PARD3: variants seen among roughly 807,000 people sequenced by gnomAD.
The protein encoded by PARD3 is par-3 family cell polarity regulator, also known as partitioning defective 3 homolog.
Under a neutral mutation model 155.4 loss-of-function variants are expected in PARD3, and 75 were observed. That is an observed-to-expected ratio of 0.48 (90% confidence interval 0.40 to 0.58). The LOEUF is 0.58. Among genes scored for constraint, PARD3 ranks in the 20% least tolerant of loss-of-function variants. The pLI, the probability that PARD3 is intolerant of heterozygous loss-of-function variation, is 0.00. For missense variants in PARD3, 1,642 were observed against 1,721.7 expected, an observed-to-expected ratio of 0.95 and a Z score of 0.82; for synonymous variants, 576 against 610.5, an observed-to-expected ratio of 0.94 and a Z score of 0.83.
At chr10:34,281,403 C>T (rs1455498649) in intron 21 of PARD3, among the ~76,000 whole-genome samples, 1 of 152,148 alleles carries the variant, frequency 6.6e-6, no homozygotes, top group Non-Finnish European at 1.5e-5. Context: ...TAACTTCCCC[C>T]TTGGTATCAC....
chr10:34,383,390 T>TACACACACACACACACAC (rs3040371), intron 8 of PARD3, among the ~76,000 whole-genome samples: 22 of 150,150 alleles, frequency 1.5e-4, no homozygotes, highest in African/African-American at 2.2e-4. Flanking sequence ...ATTTTTAAAA[T>TACACACACACACACACAC]ACACACACAC....
At chr10:34,227,856 T>TTA (rs55681930) in intron 22 of PARD3, among the ~76,000 whole-genome samples, 2,345 of 82,214 alleles carry the variant, frequency 0.029, 133 homozygotes, top group African/African-American at 0.083. Flanking sequence ...GAATTATTTT[T>TTA]TATATATATA....
chr10:34,763,303 T>C (rs1837681049), intron 1 of PARD3, among the ~76,000 whole-genome samples: 1 of 152,218 alleles, frequency 6.6e-6, no homozygotes, highest in African/African-American at 2.4e-5. Context: ...GTGTTGACAG[T>C]GCATGGGCAA....
chr10:34,112,867 T>C (rs961976271), intron 24 of PARD3, among the ~76,000 whole-genome samples: 5 of 152,330 alleles, frequency 3.3e-5, no homozygotes, highest in Non-Finnish European at 5.9e-5. Context: ...TGACGATGAC[T>C]GGATGAGCAT....
intron 2 of PARD3, among the ~76,000 whole-genome samples, chr10:34,656,071 T>A (rs1029803880): frequency 1.3e-5 from 2 of 152,178 alleles, no homozygotes; most frequent in African/African-American, 4.8e-5. Context: ...AATGTCAAAA[T>A]TTTTTATGGT....
intron 22 of PARD3, among the ~76,000 whole-genome samples, chr10:34,235,049 T>C (rs1315157380): frequency 6.6e-6 from 1 of 152,234 alleles, no homozygotes; most frequent in East Asian, 1.9e-4. Flanking sequence ...AAGCAATTTC[T>C]CCAAGGAACT....
chr10:34,745,617 C>CCT, intron 1 of PARD3, among the ~76,000 whole-genome samples: 1 of 152,268 alleles, frequency 6.6e-6, no homozygotes, highest in East Asian at 1.9e-4. Context: ...CAAAGGAAGA[C>CCT]TCGGCAATGT....
intron 20 of PARD3, among the ~76,000 whole-genome samples, chr10:34,316,267 A>G (rs540129836): frequency 6.6e-6 from 1 of 152,252 alleles, no homozygotes; most frequent in East Asian, 1.9e-4. Context: ...CAATCTTTAT[A>G]TTTAACATTA....
At chr10:34,136,173 G>A (rs1947886218) in intron 22 of PARD3, among the ~76,000 whole-genome samples, 1 of 152,146 alleles carries the variant, frequency 6.6e-6, no homozygotes, top group Admixed American at 6.5e-5. Flanking sequence ...TAATAAGGCT[G>A]GTGGTGCTCT....
At chr10:34,799,646 GT>G (rs1241443513) in intron 1 of PARD3, among the ~76,000 whole-genome samples, 4 of 152,170 alleles carry the variant, frequency 2.6e-5, no homozygotes, top group African/African-American at 9.7e-5. Flanking sequence ...ACATCAGTTT[GT>G]CATGGTATAG....
chr10:34,195,841 A>G (rs1341265498), intron 22 of PARD3, among the ~76,000 whole-genome samples: 7 of 152,226 alleles, frequency 4.6e-5, no homozygotes, highest in Admixed American at 4.6e-4. Context: ...CTCGCTAGCT[A>G]TGAAAATGAG....
At chr10:34,542,366 T>G (rs778660201) in intron 2 of PARD3, among the ~76,000 whole-genome samples, 1 of 152,136 alleles carries the variant, frequency 6.6e-6, no homozygotes, top group East Asian at 1.9e-4. Flanking sequence ...GTGAGACATA[T>G]TTGGTTGTCA....
At chr10:34,294,399 T>C (rs544199256) in intron 20 of PARD3, among the ~76,000 whole-genome samples, 5 of 152,216 alleles carry the variant, frequency 3.3e-5, no homozygotes, top group Non-Finnish European at 7.3e-5. Context: ...ACAAATAATG[T>C]GATCATTAAA....
chr10:34,619,296 C>T (rs1048474087), intron 2 of PARD3, among the ~76,000 whole-genome samples: 13 of 151,318 alleles, frequency 8.6e-5, no homozygotes, highest in African/African-American at 2.0e-4. Flanking sequence ...GTGATCTGTC[C>T]GCCTCAGCCT....
intron 5 of PARD3, among the ~76,000 whole-genome samples, chr10:34,427,524 G>C (rs551281433): frequency 6.6e-6 from 1 of 152,108 alleles, no homozygotes; most frequent in Non-Finnish European, 1.5e-5. Context: ...CATGCACAGC[G>C]GGACATGGAA....
chr10:34,653,794 CAAAAA>C (rs55894819), intron 2 of PARD3, among the ~76,000 whole-genome samples: 2 of 130,282 alleles, frequency 1.5e-5, no homozygotes, highest in Non-Finnish European at 1.6e-5. Context: ...ACCTCGACTC[CAAAAA>C]AAAAAAAAAA....
chr10:34,654,170 T>TA lies in PARD3; in HGVS notation c.222+42147dup, dbSNP rs74707143. Among the ~76,000 whole-genome samples the TA allele has an allele frequency of 6.1e-3, 751 of 122,252 alleles. 4 individuals carry two copies. Among genetic ancestry groups the TA allele is most frequent in the African/African-American group, 8.0e-3 (272 of 33,824 alleles). 80.2% of individuals were successfully genotyped at this position (122,252 alleles called of 152,430 possible). On this transcript the variant is annotated intron_variant, in intron 2 of 24. Coordinates refer to ENST00000374788, the MANE Select transcript of PARD3 (RefSeq NM_001184785.2). The stretch of plus-strand genomic sequence containing the variant: ...AACACATTTGGTGCCAGTAAAACTG[T>TA]AAAAAAAAAAAAAAAAGTTCAAAGA...
At chr10:34,319,734 A>G (rs1290715016) in intron 19 of PARD3, among the ~76,000 whole-genome samples, 1 of 152,230 alleles carries the variant, frequency 6.6e-6, no homozygotes. Flanking sequence ...ACATAGCTCA[A>G]GCAGGGCTGT....
intron 12 of PARD3, among the ~76,000 whole-genome samples, chr10:34,368,366 T>C (rs1163494314): frequency 1.3e-5 from 2 of 152,276 alleles, no homozygotes; most frequent in East Asian, 1.9e-4. Flanking sequence ...GGCGTCCGTA[T>C]GGACAGGCAA....
Sources: allele counts gnomAD v4.1 joint callset (sites outside exome capture counted in the v4.1 genomes callset), GRCh38; gene constraint gnomAD v4.1.1; transcripts MANE v1.5; gene names NCBI Gene and HGNC (gene_info 2026-07-23, HGNC 2026-07-21).